The following RNF213 variants were observed in gnomAD, a reference collection of about 807,000 sequenced individuals.
The protein encoded by RNF213 is ring finger protein 213, also known as E3 ubiquitin-protein ligase RNF213.
Under a neutral mutation model 514.4 loss-of-function variants are expected in RNF213, and 341 were observed. The ratio of observed to expected loss-of-function variants is 0.66; its 90% CI spans 0.61 to 0.73. RNF213 has a LOEUF of 0.73. Ranked by LOEUF, RNF213 falls within the 30% of genes least tolerant of loss-of-function variation. The pLI is 0.00. For synonymous variants in RNF213, 2,655 were observed against 2,658.2 expected (o/e 1.00, Z 0.04); for missense variants, 5,767 against 6,615.6 (o/e 0.87, Z 4.45).
chr17:80,296,267 A>G (rs1239965604), intron 10 of RNF213, among the ~76,000 whole-genome samples: 1 of 152,092 alleles, frequency 6.6e-6, no homozygotes, highest in Admixed American at 6.6e-5. Context: ...TGATCCACCC[A>G]CCTCGGCCTC....
Position 80,332,370 on chromosome 17 carries a change from G to A in RNF213, c.3882G>A (p.Lys1294=). 4 of 1,537,164 alleles carry A rather than the reference G, an allele frequency of 2.6e-6. No homozygotes were observed. Among genetic ancestry groups the A allele is most frequent in the Non-Finnish European group, 3.5e-6 (4 of 1,146,910 alleles). ...RKFIKLHQDL[K]SGEVTLAEID... ...TCATTAAGTTGCACCAGGATCTAAA[G>A]TCAGGAGAGGTCACCCTTGCAGAGA... The change falls in exon 21 of 68, where the codon AAG becomes AAA. Residue 1294 remains lysine, a synonymous_variant. Transcript: ENST00000582970.
Position 80,374,441 on chromosome 17 carries a change from T to C in RNF213, c.12943-17T>C. 1.2e-6 allele frequency: 2 copies of C among 1,614,026 alleles called. No individual in the cohort carries two copies. The highest frequency in any genetic ancestry group is 1.7e-6 in the Non-Finnish European group (2 of 1,179,920). On this transcript the variant is annotated splice_polypyrimidine_tract_variant and intron_variant, in intron 49 of 67. Transcript: ENST00000582970. ...ATTCCTCCCATTGTTCACCCCCAACTAACCTCTGTATTCCAGGGGCTGCGG... is the reference window on the plus strand; with the variant it reads ...ATTCCTCCCATTGTTCACCCCCAACCAACCTCTGTATTCCAGGGGCTGCGG...
In RNF213 at chr17:80,348,086, T is replaced by C. The variant is rs1273408483; in HGVS notation, c.9751T>C (p.Ser3251Pro). The C allele has an allele frequency of 6.2e-7, 1 of 1,614,108 alleles. No individual in the cohort carries two copies. The highest frequency in any genetic ancestry group is 1.1e-5 in the South Asian group (1 of 91,088). ...GACGGAGGAACTTCACCAGAAGGTG[T>C]CTGAGGAGGCCAAATCGATCCTGCT... The part of the protein sequence containing the change: ...ALTEELHQKV[S>P]EEAKSILLNC... The change falls in exon 29 of 68, where the codon TCT (serine) becomes CCT (proline). Residue 3251 changes from serine to proline, a missense_variant. Ser to Pro is a moderately conservative substitution (Grantham distance 74, BLOSUM62 -1). Coordinates refer to ENST00000582970, the MANE Select transcript of RNF213 (RefSeq NM_001256071.3).
rs538240121 is a variant in RNF213, at chr17:80,351,717, G to A, written c.10217G>A (p.Arg3406Gln). The change falls in exon 32 of 68, where the codon CGA becomes CAA. Residue 3406 changes from arginine (R) to glutamine (Q), a missense_variant. Physicochemically the swap from Arg to Gln is conservative, Grantham distance 43 (BLOSUM62 1). Around this residue, in one of 13 missense-constraint regions of RNF213, gnomAD observed 919 missense variants for 1,121.0 expected, o/e 0.82. Transcript: ENST00000582970. ...YSVINEINKI[R>Q]ENEDRIFVYF... is the part of the protein sequence containing the mutation. ...GTTATAAATGAAATCAACAAAATAC[G>A]AGAAAATGAGGACCGTATCTTCGTC... 1.1e-5 allele frequency: 18 copies of A among 1,608,640 alleles called. 1 individual carries two copies. The highest frequency in any genetic ancestry group is 1.0e-4 in the Admixed American group (6 of 59,976).
rs150645206 is a variant in RNF213, at chr17:80,386,708, C to T, written c.14739C>T (p.Ala4913=). The change falls in exon 63 of 68, where the codon GCC becomes GCT. Residue 4913 remains alanine, a synonymous_variant. Coordinates refer to ENST00000582970, the MANE Select transcript of RNF213 (RefSeq NM_001256071.3). ...KENNSYSVDA[A]EVTELHVISY... is the part of the protein sequence containing the mutation. ...CCCTCAGCTATTCCGTGGATGCCGC[C>T]GAGGTCACTGAACTGCATGTCATCA... is the stretch of plus-strand genomic sequence containing the variant. 91 of 1,614,222 alleles carry T rather than the reference C, an allele frequency of 5.6e-5. No homozygotes were observed. Among genetic ancestry groups the T allele is most frequent in the Non-Finnish European group, 6.9e-5 (81 of 1,180,040 alleles).
intron 58 of RNF213, among the ~76,000 whole-genome samples, chr17:80,383,297 G>A (rs1205679086): frequency 6.6e-6 from 1 of 152,138 alleles, no homozygotes; most frequent in African/African-American, 2.4e-5. Flanking sequence ...AGGAATTCCT[G>A]GGAATCCAGC....
At chr17:80,374,118 C>T (rs894914715) in intron 49 of RNF213, among the ~76,000 whole-genome samples, 4 of 152,170 alleles carry the variant, frequency 2.6e-5, no homozygotes, top group Admixed American at 6.5e-5. Flanking sequence ...CTAAGAACCC[C>T]GGCACTGTTT....
rs372932832 is a variant in RNF213 at position 80,339,750 on chromosome 17, G to C, written c.5383G>C (p.Asp1795His). 2 of 1,537,034 alleles carry C rather than the reference G, an allele frequency of 1.3e-6. No homozygotes were observed. The highest frequency in any genetic ancestry group is 4.9e-5 in the East Asian group (2 of 40,900). ...GAGGTGCCTTCCTGCCTTCCTGCCCGACTGCCTCGACCTAGAGACCCTTGG... is the reference window on the plus strand; with the variant it reads ...GAGGTGCCTTCCTGCCTTCCTGCCCCACTGCCTCGACCTAGAGACCCTTGG... Reference protein sequence around the residue: ...SMRCLPAFLPDCLDLETLGHC... With the variant: ...SMRCLPAFLPHCLDLETLGHC... The change falls in exon 26 of 68, where the codon GAC (aspartate) becomes CAC (histidine). Residue 1795 changes from aspartate (D) to histidine (H), a missense_variant. This residue lies in a region of RNF213 where 1,377 missense variants were observed against 1,635.2 expected (regional missense o/e 0.84). Coordinates refer to ENST00000582970, the MANE Select transcript of RNF213 (RefSeq NM_001256071.3).
Position 80,373,030 on chromosome 17 carries a change from G to C in RNF213, c.12807G>C (p.Arg4269=), listed in dbSNP as rs116948489. The C allele has an allele frequency of 3.1e-4, 505 of 1,614,014 alleles. No individual in the cohort carries two copies. The highest frequency in any genetic ancestry group is 6.0e-4 in the Admixed American group (36 of 60,000). ...AGCAAGTCAAGCAGTTCTGTATCCG[G>C]GTGGAGAACGACTGGCACCGGGTGT... is the stretch of plus-strand genomic sequence containing the variant. ...YLQQVKQFCI[R]VENDWHRVYL... is the part of the protein sequence containing the mutation. The change falls in exon 49 of 68, where the codon CGG becomes CGC. Residue 4269 remains arginine, a synonymous_variant. Coordinates refer to ENST00000582970, the MANE Select transcript of RNF213 (RefSeq NM_001256071.3).
In RNF213 at chr17:80,345,993, C is replaced by T; in HGVS notation, c.7658C>T (p.Ala2553Val). The T allele has an allele frequency of 6.2e-7, 1 of 1,614,204 alleles. No homozygotes were observed. Residue 2553 changes from alanine (A) to valine (V), a missense_variant, in exon 29 of 68, where the codon GCC becomes GTC. By Grantham distance (64) the Ala-to-Val change is moderately conservative. This residue lies in a region of RNF213 where 1,377 missense variants were observed against 1,635.2 expected (regional missense o/e 0.84). Transcript: ENST00000582970. The surrounding 1 kb of genome is among the most constrained non-coding windows in gnomAD (Gnocchi z 6.0). ...TACAGGGTTAGTATGGAGGAGACGG[C>T]CGACAGGCTGGGCTCCATTCCTCTG... ...LGYRVSMEET[A>V]DRLGSIPLRQ...
Position 80,286,751 on chromosome 17 carries a change from C to A in RNF213, c.262-1064C>A, listed in dbSNP as rs370234454. Among the ~76,000 whole-genome samples the A allele has an allele frequency of 1.1e-4, 17 of 152,176 alleles. No individual in the cohort carries two copies. The East Asian group carries it at 1.2e-3, about 10-fold the overall frequency. On this transcript the variant is annotated intron_variant, in intron 3 of 67. Coordinates refer to ENST00000582970, the MANE Select transcript of RNF213 (RefSeq NM_001256071.3). ...GCAGTTTGGGGCCCTCATCACACAC[C>A]ACCAGGTTTCAGGGGATCTACAAGT...
intron 65 of RNF213, 113 bp from the exon 66 acceptor site, chr17:80,389,715 G>A (rs940773520): frequency 1.7e-5 from 15 of 898,474 alleles, no homozygotes; most frequent in Non-Finnish European, 2.7e-5. Flanking sequence ...ATTAGTACAG[G>A]GCAGAACGAA....
chr17:80,311,482 G>A (rs939223103), intron 14 of RNF213, among the ~76,000 whole-genome samples: 7 of 152,162 alleles, frequency 4.6e-5, no homozygotes, highest in African/African-American at 1.4e-4. Context: ...GTTTTCTGTC[G>A]GCCCCCGCCC....
chr17:80,381,236 G>A (rs896771563), intron 56 of RNF213: 1 of 604,076 alleles, frequency 1.7e-6, no homozygotes, highest in African/African-American at 1.8e-5. Context: ...TCCACATCTG[G>A]GAGTAGAGAG....
intron 57 of RNF213, chr17:80,381,961 C>A: frequency 1.8e-6 from 1 of 542,106 alleles, no homozygotes; most frequent in Non-Finnish European, 3.3e-6. Context: ...GCTCTGTTCC[C>A]TCCATTCACC....
chr17:80,367,669 T>C, intron 42 of RNF213, 79 bp from the exon 43 acceptor site: 1 of 1,080,594 alleles, frequency 9.3e-7, no homozygotes, highest in South Asian at 1.3e-5. Context: ...GCCCTGAATG[T>C]GGTGCTCCCT....
At position 80,343,978 on chromosome 17, in the gene RNF213, G is replaced by T; in HGVS notation, c.6305G>T (p.Arg2102Met). Residue 2102 changes from arginine to methionine, a missense_variant, in exon 28 of 68, where the codon AGG becomes ATG. This residue lies in a region of RNF213 where 1,377 missense variants were observed against 1,635.2 expected (regional missense o/e 0.84). Transcript: ENST00000582970. This position sits in a 1 kb window ranked among gnomAD's most constrained non-coding sequence, Gnocchi z 4.3. ...TTGTATATCGTTGAAATCCTGGAAA[G>T]GAGGACGTCAGTGCCGTCGAGGAGC... ...CHLYIVEILE[R>M]RTSVPSRSSS... 1 of 1,614,220 alleles carries T rather than the reference G, an allele frequency of 6.2e-7. No individual in the cohort carries two copies. The highest frequency in any genetic ancestry group is 1.3e-5 in the African/African-American group (1 of 75,034).
At position 80,375,829 on chromosome 17, in the gene RNF213, T is replaced by C; in HGVS notation, c.13144T>C (p.Leu4382=). The C allele has an allele frequency of 6.2e-7, 1 of 1,614,170 alleles. No individual in the cohort carries two copies. Among genetic ancestry groups the C allele is most frequent in the Non-Finnish European group, 8.5e-7 (1 of 1,180,006 alleles). Residue 4382 remains leucine (L), a synonymous_variant, in exon 51 of 68, where the codon TTG becomes CTG. Transcript: ENST00000582970. ...AACACTGTTTAGAGAGGTGGCTATT[T>C]TGTACAGATCCCACAATGCAAGCCT... ...LLTLFREVAI[L]YRSHNASLHP...
intron 56 of RNF213, 117 bp downstream of exon 56, chr17:80,381,104 T>C: frequency 5.6e-6 from 6 of 1,067,552 alleles, no homozygotes; most frequent in Non-Finnish European, 8.7e-6. Context: ...AGATAATTAG[T>C]CTACAAAGTA....
Sources: allele counts gnomAD v4.1 joint callset (sites outside exome capture counted in the v4.1 genomes callset), GRCh38; gene constraint gnomAD v4.1.1; regional missense constraint gnomAD v4.1.1; non-coding constraint Gnocchi (gnomAD v3.1); transcripts MANE v1.5; gene names NCBI Gene and HGNC (gene_info 2026-07-23, HGNC 2026-07-21).